The following LHFPL4 variants were observed in gnomAD, a reference collection of about 807,000 sequenced individuals.
LHFPL4 encodes the protein LHFPL tetraspan subfamily member 4 protein.
In LHFPL4, 6 loss-of-function variants were observed where a neutral mutation model predicts 20.0. That is an observed-to-expected ratio of 0.30 (90% CI 0.16 to 0.59). The LOEUF (loss-of-function observed/expected upper bound fraction) is 0.59, where lower values mean the gene tolerates loss of function less well. Among genes scored for constraint, LHFPL4 ranks in the 20% least tolerant of loss-of-function variants. The pLI, the probability that LHFPL4 is intolerant of heterozygous loss-of-function variation, is 0.88. For synonymous variants in LHFPL4, 129 were observed against 143.8 expected (o/e 0.90, Z 0.74); for missense variants, 215 against 331.2 (o/e 0.65, Z 2.72).
At chr3:9,537,077 C>T (rs377051473) in intron 2 of LHFPL4, among the ~76,000 whole-genome samples, 1 of 152,080 alleles carries the variant, frequency 6.6e-6, no homozygotes, top group African/African-American at 2.4e-5. Context: ...CAGAGCAAGA[C>T]CCTGTCTCAA....
rs1251120549 is a variant in LHFPL4, at chr3:9,552,514, G to A, written c.166C>T (p.Pro56Ser). ...TAGTGGAAGAGGCCGAAGTAGCCAG[G>A]CTTGGGGGTGCTCACGCTGTCGCCC... Reference protein sequence around the residue: ...WVGDSVSTPKPGYFGLFHYCV... With the variant: ...WVGDSVSTPKSGYFGLFHYCV... The change falls in exon 2 of 4, where the codon CCT (proline) becomes TCT (serine). Residue 56 changes from proline (P) to serine (S), a missense_variant. Coordinates refer to ENST00000287585, the MANE Select transcript of LHFPL4 (RefSeq NM_198560.3). 1 of 1,613,820 alleles carries A rather than the reference G, an allele frequency of 6.2e-7. No homozygotes were observed. Among genetic ancestry groups the A allele is most frequent in the South Asian group, 1.1e-5 (1 of 91,084 alleles).
rs1049950334 is a variant in LHFPL4, at chr3:9,502,053, C to T, written c.*158G>A. 19 of 641,748 alleles carry T rather than the reference C, an allele frequency of 3.0e-5. No homozygotes were observed. The highest frequency in any genetic ancestry group is 4.2e-5 in the Non-Finnish European group (15 of 353,914). The allele number at this position is 641,748 out of a possible 1,614,324, so 39.8% of individuals were successfully genotyped here. A position where few individuals can be genotyped will look rare whatever the true frequency, so the allele number is the denominator to read the frequency against. The stretch of plus-strand genomic sequence containing the variant: ...CCTCTCCTCTCCCCCAGGCCACATC[C>T]AGGCTTTCCTCTCCTCAAAGCCTGG... On this transcript the variant is annotated 3_prime_UTR_variant, in exon 4 of 4. Transcript: ENST00000287585.
At chr3:9,534,537 T>G (rs1275653173) in intron 2 of LHFPL4, among the ~76,000 whole-genome samples, 1 of 152,208 alleles carries the variant, frequency 6.6e-6, no homozygotes, top group Non-Finnish European at 1.5e-5. Context: ...CAGACATATT[T>G]ATAAGACACT....
intron 3 of LHFPL4, among the ~76,000 whole-genome samples, chr3:9,504,773 G>C (rs973443189): frequency 1.3e-5 from 2 of 151,152 alleles, no homozygotes; most frequent in South Asian, 2.1e-4. Context: ...TGCAGTGAGT[G>C]GAGATCGCGC....
chr3:9,519,489 A>G (rs2046324533), intron 2 of LHFPL4, among the ~76,000 whole-genome samples: 1 of 151,932 alleles, frequency 6.6e-6, no homozygotes, highest in African/African-American at 2.4e-5. Context: ...GGTTTTGTCG[A>G]TTTTCTTTAT....
Position 9,499,790 on chromosome 3 carries a change from G to T in LHFPL4, c.*2421C>A, listed in dbSNP as rs1157671134. 1 of 152,232 alleles carries T rather than the reference G, an allele frequency of 6.6e-6. No individual in the cohort carries two copies. The highest frequency in any genetic ancestry group is 1.5e-5 in the Non-Finnish European group (1 of 68,266). The allele number at this position is 152,232 out of a possible 1,614,324, so 9.4% of individuals were successfully genotyped here. On this transcript the variant is annotated 3_prime_UTR_variant, in exon 4 of 4. Coordinates refer to ENST00000287585, the MANE Select transcript of LHFPL4 (RefSeq NM_198560.3). ...GGACACCTGGTGGCAGGCGTCCTTG[G>T]GGGAACAAGCTCTCCCCTCACCCAG...
At chr3:9,529,950 C>T (rs181768448) in intron 2 of LHFPL4, among the ~76,000 whole-genome samples, 2 of 150,072 alleles carry the variant, frequency 1.3e-5, no homozygotes, top group Admixed American at 1.3e-4. Context: ...TTTTTCCTAT[C>T]CTGAGCAATA....
In LHFPL4 at chr3:9,512,941, ATTTT is replaced by A. The variant is rs1286588259; in HGVS notation, c.407-6742_407-6739del. On this transcript the variant is annotated intron_variant, in intron 2 of 3. Coordinates refer to ENST00000287585, the MANE Select transcript of LHFPL4 (RefSeq NM_198560.3). ...GCTCTGGACTGCCTCACTCTAGGAC[ATTTT>A]TTTGTTTGTTTGTTTGTTTGTTTGT... Among the ~76,000 whole-genome samples the A allele has an allele frequency of 6.6e-5, 10 of 151,128 alleles. No homozygotes were observed. The East Asian group carries it at 7.8e-4, about 12-fold the overall frequency.
intron 2 of LHFPL4, among the ~76,000 whole-genome samples, chr3:9,538,009 A>G (rs917125716): frequency 2.0e-5 from 3 of 151,916 alleles, no homozygotes; most frequent in African/African-American, 4.8e-5. Flanking sequence ...TCTTCATCCT[A>G]TGTCCTTTGT....
chr3:9,503,888 T>A (rs2046196276), intron 3 of LHFPL4, among the ~76,000 whole-genome samples: 1 of 151,890 alleles, frequency 6.6e-6, no homozygotes, highest in Non-Finnish European at 1.5e-5. Flanking sequence ...TAGTCAGGCG[T>A]GGTGGCGCAT....
chr3:9,549,517 G>A (rs908812497), intron 2 of LHFPL4, among the ~76,000 whole-genome samples: 14 of 152,186 alleles, frequency 9.2e-5, no homozygotes, highest in Admixed American at 4.6e-4. Context: ...CCAACATGGC[G>A]AAACCCCATC....
At chr3:9,504,621 C>T (rs755153845) in intron 3 of LHFPL4, among the ~76,000 whole-genome samples, 8 of 151,856 alleles carry the variant, frequency 5.3e-5, no homozygotes, top group African/African-American at 7.3e-5. Context: ...GTCAGAAGAT[C>T]GAGACCATCC....
At chr3:9,553,601 C>CG (rs2046572505) in intron 1 of LHFPL4, 84 bp downstream of exon 1, 6 of 77,912 alleles carry the variant, frequency 7.7e-5, no homozygotes, top group Non-Finnish European at 1.3e-4. Context: ...CGAGTAGGGC[C>CG]GGGGTTGGGG....
rs950883626 is a variant in LHFPL4, at chr3:9,510,468, G to T, written c.407-4265C>A. ...AAAAAAAAAAGGCCCTAATGTAGGG[G>T]ATTATCCCTGGCTGAAAACCACTGG... On this transcript the variant is annotated intron_variant, in intron 2 of 3. Coordinates refer to ENST00000287585, the MANE Select transcript of LHFPL4 (RefSeq NM_198560.3). Among the ~76,000 whole-genome samples the T allele has an allele frequency of 9.9e-5, 15 of 151,308 alleles. 1 individual carries two copies. Among genetic ancestry groups the T allele is most frequent in the African/African-American group, 2.9e-4 (12 of 41,182 alleles).
In LHFPL4 at chr3:9,499,060, CT is replaced by C. The variant is rs2046151689; in HGVS notation, c.*3150del. ...GAGAAAAGCGGGCAATGGCAGACCC[CT>C]GATCACAGTTAGGGGGGTCACAGTT... On this transcript the variant is annotated 3_prime_UTR_variant, in exon 4 of 4. Transcript: ENST00000287585. 6.5e-6 allele frequency: 1 copy of C among 152,942 alleles called. No homozygotes were observed. Among genetic ancestry groups the C allele is most frequent in the Non-Finnish European group, 1.5e-5 (1 of 68,688 alleles). 9.5% of individuals were successfully genotyped at this position (152,942 alleles called of 1,614,324 possible). A position where few individuals can be genotyped will look rare whatever the true frequency, so the allele number is the denominator to read the frequency against.
intron 3 of LHFPL4, 122 bp downstream of exon 3, chr3:9,505,845 C>CA: frequency 2.1e-6 from 2 of 951,106 alleles, no homozygotes; most frequent in Non-Finnish European, 3.3e-6. Context: ...AGGCGTGAGC[C>CA]ACCACGCCCA....
intron 2 of LHFPL4, among the ~76,000 whole-genome samples, chr3:9,534,884 G>C (rs769531591): frequency 6.6e-6 from 1 of 152,172 alleles, no homozygotes; most frequent in African/African-American, 2.4e-5. Context: ...AATGTTCACA[G>C]ATGTCCTCTA....
intron 2 of LHFPL4, among the ~76,000 whole-genome samples, chr3:9,551,750 G>C (rs1218978561): frequency 6.6e-6 from 1 of 151,976 alleles, no homozygotes; most frequent in African/African-American, 2.4e-5. Flanking sequence ...CATTTTAAAG[G>C]TTACAAAACA....
intron 2 of LHFPL4, among the ~76,000 whole-genome samples, chr3:9,543,099 A>ATATGTGGT (rs2046488013): frequency 1.3e-5 from 2 of 152,186 alleles, no homozygotes; most frequent in Non-Finnish European, 2.9e-5. Flanking sequence ...ATTATATCTC[A>ATATGTGGT]ATACAACTGA....
Sources: allele counts gnomAD v4.1 joint callset (sites outside exome capture counted in the v4.1 genomes callset), GRCh38; gene constraint gnomAD v4.1.1; transcripts MANE v1.5; gene names NCBI Gene and HGNC (gene_info 2026-07-23, HGNC 2026-07-21).